TASP1: variants seen among roughly 807,000 people sequenced by gnomAD.
TASP1 encodes taspase 1.
TASP1 carries 16 observed loss-of-function variants against 56.6 expected under a neutral mutation model. The observed-to-expected ratio is 0.28, with a 90% CI of 0.19 to 0.43. TASP1 has a LOEUF of 0.43. Ranked by LOEUF, TASP1 falls within the 20% of genes least tolerant of loss-of-function variation. The pLI is 1.00. For missense variants in TASP1, 393 were observed against 511.6 expected, an observed-to-expected ratio of 0.77 and a Z score of 2.24; for synonymous variants, 179 against 184.2, an observed-to-expected ratio of 0.97 and a Z score of 0.23.
intron 13 of TASP1, chr20:13,393,724 C>A (rs1460545949): frequency 1.1e-6 from 1 of 880,616 alleles, no homozygotes; most frequent in Non-Finnish European, 1.8e-6. Flanking sequence ...AGAGAGAGGC[C>A]CTCAGCTGCT....
the TASP1 span, among the ~76,000 whole-genome samples, chr20:13,369,406 A>G: frequency 5.3e-5 from 8 of 152,224 alleles, no homozygotes; most frequent in African/African-American, 1.7e-4. Flanking sequence ...AGATTGCATC[A>G]TTGCACTCCA....
At chr20:13,364,574 C>A in the TASP1 span, among the ~76,000 whole-genome samples, 1 of 152,082 alleles carries the variant, frequency 6.6e-6, no homozygotes, top group Admixed American at 6.6e-5. Flanking sequence ...TATATAGCAG[C>A]CTGCCCTGTG....
the TASP1 span, among the ~76,000 whole-genome samples, chr20:13,133,213 GCTGCACAAGTACCCT>G: frequency 6.6e-6 from 1 of 151,712 alleles, no homozygotes; most frequent in Non-Finnish European, 1.5e-5. Flanking sequence ...TATAGTTCCC[GCTGCACAAGTACCCT>G]CACCTGTTTC....
chr20:13,516,742 C>A (rs1601087100), intron 10 of TASP1, among the ~76,000 whole-genome samples: 1 of 147,532 alleles, frequency 6.8e-6, no homozygotes, highest in African/African-American at 2.5e-5. Flanking sequence ...AACAACAAAG[C>A]AATGCAAAGT....
chr20:13,260,205 A>T, the TASP1 span, among the ~76,000 whole-genome samples: 33 of 152,334 alleles, frequency 2.2e-4, 2 homozygotes, highest in African/African-American at 7.2e-4. Flanking sequence ...CTCTGGCCAT[A>T]TGTGGCCTAT....
chr20:13,237,798 A>C, the TASP1 span: 1 of 152,370 alleles, frequency 6.6e-6, no homozygotes, highest in East Asian at 1.9e-4. Context: ...GATTACCCAC[A>C]GCCCTGGAGT....
chr20:13,115,480 T>C, the TASP1 span, among the ~76,000 whole-genome samples: 2 of 152,164 alleles, frequency 1.3e-5, no homozygotes, highest in African/African-American at 2.4e-5. Context: ...CCATTAACTT[T>C]GGCTTCTGTC....
At chr20:13,317,831 C>T in the TASP1 span, among the ~76,000 whole-genome samples, 2 of 152,064 alleles carry the variant, frequency 1.3e-5, no homozygotes, top group Non-Finnish European at 2.9e-5. Context: ...ATAAGATTAT[C>T]TAAAAGTCCT....
chr20:13,160,270 A>G, the TASP1 span: 3 of 1,038,444 alleles, frequency 2.9e-6, no homozygotes, highest in Non-Finnish European at 3.9e-6. Flanking sequence ...AGTCACTGCC[A>G]AAAAACAAGA....
At chr20:13,424,250 T>C (rs918337433) in intron 12 of TASP1, among the ~76,000 whole-genome samples, 7 of 152,198 alleles carry the variant, frequency 4.6e-5, no homozygotes, top group Non-Finnish European at 1.0e-4. Context: ...AGTCCTAATG[T>C]ATAATTAAAA....
the TASP1 span, among the ~76,000 whole-genome samples, chr20:13,213,298 A>C: frequency 6.6e-6 from 1 of 151,954 alleles, no homozygotes; most frequent in Admixed American, 6.6e-5. Flanking sequence ...AAAAAATGCA[A>C]CATAAAGCTA....
At chr20:13,466,284 TA>T (rs570454619) in intron 11 of TASP1, among the ~76,000 whole-genome samples, 8 of 152,148 alleles carry the variant, frequency 5.3e-5, no homozygotes, top group Non-Finnish European at 7.3e-5. Context: ...AAGTATATAT[TA>T]AAAACTCACA....
the TASP1 span, among the ~76,000 whole-genome samples, chr20:13,118,447 T>TG: frequency 1.5e-4 from 5 of 33,912 alleles, no homozygotes; most frequent in Non-Finnish European, 4.2e-4. Flanking sequence ...AAGAGGTTTG[T>TG]GGAAAAAAAA....
At chr20:13,255,610 T>C in the TASP1 span, among the ~76,000 whole-genome samples, 12 of 152,174 alleles carry the variant, frequency 7.9e-5, no homozygotes, top group African/African-American at 2.9e-4. Context: ...ACTTTGCAGG[T>C]AGAGTAGACA....
chr20:13,335,686 AG>A, the TASP1 span, among the ~76,000 whole-genome samples: 2 of 152,084 alleles, frequency 1.3e-5, no homozygotes, highest in Admixed American at 1.3e-4. Context: ...ATGAACACAG[AG>A]GAAAAAAAAA....
In TASP1 at chr20:13,393,622, G is replaced by A. The variant is rs1188276921; in HGVS notation, c.1171-3170C>T. On this transcript the variant is annotated intron_variant, in intron 13 of 13. Transcript: ENST00000337743. ...ATTTCCTGGTGTGACAACGAATTTG[G>A]CTACAGCAATATGGTGGTGGACCTC... 5.8e-6 allele frequency: 7 copies of A among 1,216,722 alleles called. No individual in the cohort carries two copies. In the African/African-American group the frequency reaches 1.0e-4, roughly 18 times the overall value. The allele number at this position is 1,216,722 out of a possible 1,614,324, so 75.4% of individuals were successfully genotyped here. A position where few individuals can be genotyped will look rare whatever the true frequency, so the allele number is the denominator to read the frequency against.
chr20:13,542,264 G>C (rs2045651998), intron 8 of TASP1, among the ~76,000 whole-genome samples: 1 of 152,062 alleles, frequency 6.6e-6, no homozygotes, highest in Non-Finnish European at 1.5e-5. Flanking sequence ...TAAGTGTTAA[G>C]ACAGAAAGCA....
At chr20:13,248,601 T>A in the TASP1 span, among the ~76,000 whole-genome samples, 3 of 152,238 alleles carry the variant, frequency 2.0e-5, no homozygotes, top group Admixed American at 2.0e-4. Flanking sequence ...TCTACCAGTG[T>A]TCTTCACATG....
the TASP1 span, among the ~76,000 whole-genome samples, chr20:13,310,013 A>G: frequency 6.6e-6 from 1 of 152,204 alleles, no homozygotes; most frequent in Non-Finnish European, 1.5e-5. Flanking sequence ...TGTCCATATT[A>G]CCCAAAGCAA....
Sources: gnomAD v4.1 joint callset for allele counts (sites outside exome capture counted in the v4.1 genomes callset) on GRCh38, gnomAD v4.1.1 for gene constraint, MANE v1.5 for transcripts, NCBI Gene and HGNC (gene_info 2026-07-23, HGNC 2026-07-21) for gene names.